GLRA2: variants seen among roughly 807,000 people sequenced by gnomAD.
The protein encoded by GLRA2 is glycine receptor subunit alpha-2.
Under a neutral mutation model 31.6 loss-of-function variants are expected in GLRA2, and 11 were observed. That is an observed-to-expected ratio of 0.35 (90% CI 0.22 to 0.58). GLRA2 has a LOEUF of 0.58. Among genes scored for constraint, GLRA2 ranks in the 20% least tolerant of loss-of-function variants. The pLI is 0.84. For synonymous variants in GLRA2, 132 were observed against 134.0 expected (o/e 0.99, Z 0.10); for missense variants, 212 against 351.8 (o/e 0.60, Z 3.18).
chrX:14,450,163 C>T, the GLRA2 span, among the ~76,000 whole-genome samples: 1 of 112,304 alleles, frequency 8.9e-6, no homozygotes, highest in Non-Finnish European at 1.9e-5. Flanking sequence ...CCTCAGGCTA[C>T]AGGTGCCATA....
chrX:14,648,367 T>C lies in GLRA2; in HGVS notation c.930+39162T>C, dbSNP rs1411112232. Among the ~76,000 whole-genome samples the C allele has an allele frequency of 2.7e-5, 3 of 111,802 alleles. No individual in the cohort carries two copies. In the East Asian group the frequency reaches 8.3e-4, roughly 31 times the overall value. ...GGAAGAATCACATGGGAAATGATATTTGAAATAAATCTTGAATAAACATAG... is the reference window on the plus strand; with the variant it reads ...GGAAGAATCACATGGGAAATGATATCTGAAATAAATCTTGAATAAACATAG... On this transcript the variant is annotated intron_variant, in intron 7 of 8. Transcript: ENST00000218075.
At chrX:14,454,164 C>CA in the GLRA2 span, among the ~76,000 whole-genome samples, 16 of 35,818 alleles carry the variant, frequency 4.5e-4, no homozygotes, top group African/African-American at 1.5e-3. Context: ...CTAAACACAC[C>CA]CACACACACC....
intron 7 of GLRA2, among the ~76,000 whole-genome samples, chrX:14,681,915 A>ATATATATATATATATG (rs1249803088): frequency 2.4e-5 from 2 of 81,725 alleles, no homozygotes; most frequent in African/African-American, 8.8e-5. Flanking sequence ...AAAAAAATAT[A>ATATATATATATATATG]TATATATATA....
intron 2 of GLRA2, among the ~76,000 whole-genome samples, chrX:14,563,628 A>G (rs1042560405): frequency 1.8e-5 from 2 of 111,969 alleles, no homozygotes; most frequent in African/African-American, 6.5e-5. Flanking sequence ...ATCCCTGAGG[A>G]AGTTCAGACA....
rs969306194 is a variant in GLRA2, at chrX:14,631,709, C to T, written c.930+22504C>T. On this transcript the variant is annotated intron_variant, in intron 7 of 8. Coordinates refer to ENST00000218075, the MANE Select transcript of GLRA2 (RefSeq NM_002063.4). Reference sequence around the variant, plus strand: ...TTCTCTAATTCTTTTGAAGATTCTTCCCCTAGCCTCAGTTACTCTTCTCAC... The same window carrying T: ...TTCTCTAATTCTTTTGAAGATTCTTTCCCTAGCCTCAGTTACTCTTCTCAC... Among the ~76,000 whole-genome samples the T allele has an allele frequency of 2.8e-5, 3 of 106,433 alleles. No individual in the cohort carries two copies. The Admixed American group carries it at 3.1e-4, about 11-fold the overall frequency. The allele number at this position is 106,433 out of a possible 115,157, so 92.4% of individuals were successfully genotyped here.
chrX:14,554,081 T>C (rs1232857070), intron 2 of GLRA2, among the ~76,000 whole-genome samples: 1 of 111,994 alleles, frequency 8.9e-6, no homozygotes, highest in Non-Finnish European at 1.9e-5. Context: ...CAAAGATGCA[T>C]AGTGTAGCAT....
At chrX:14,493,558 TAC>T in the GLRA2 span, among the ~76,000 whole-genome samples, 2 of 104,855 alleles carry the variant, frequency 1.9e-5, no homozygotes, top group Admixed American at 1.1e-4. Context: ...TATACATATA[TAC>T]ACATATATAC....
chrX:14,697,217 A>G (rs963870573), intron 8 of GLRA2, among the ~76,000 whole-genome samples: 1 of 112,369 alleles, frequency 8.9e-6, no homozygotes, highest in Non-Finnish European at 1.9e-5. Context: ...TAATGCAATC[A>G]TACAGCCCAG....
the GLRA2 span, among the ~76,000 whole-genome samples, chrX:14,470,657 A>T: frequency 8.9e-6 from 1 of 112,059 alleles, no homozygotes; most frequent in Non-Finnish European, 1.9e-5. Context: ...GCCTAGAAAC[A>T]TGAGGGATAC....
intron 2 of GLRA2, among the ~76,000 whole-genome samples, chrX:14,556,142 G>T (rs2089639611): frequency 8.9e-6 from 1 of 111,946 alleles, no homozygotes; most frequent in Admixed American, 9.4e-5. Flanking sequence ...ATGTGTATAT[G>T]TGTGTGTATC....
the GLRA2 span, among the ~76,000 whole-genome samples, chrX:14,472,818 C>G: frequency 9.0e-6 from 1 of 111,269 alleles, no homozygotes; most frequent in African/African-American, 3.3e-5. Context: ...ACGTTAGAAC[C>G]TTCAGACCAG....
chrX:14,579,691 A>G (rs1226359245), intron 3 of GLRA2, among the ~76,000 whole-genome samples: 1 of 111,442 alleles, frequency 9.0e-6, no homozygotes, highest in Non-Finnish European at 1.9e-5. Context: ...TAGCAGTGCA[A>G]TGGTAAAGCC....
the GLRA2 span, among the ~76,000 whole-genome samples, chrX:14,514,557 G>T: frequency 9.0e-6 from 1 of 111,298 alleles, no homozygotes; most frequent in African/African-American, 3.3e-5. Flanking sequence ...TGGACTCTGA[G>T]AACCTGTTTC....
intron 2 of GLRA2, among the ~76,000 whole-genome samples, chrX:14,560,476 A>G (rs752343646): frequency 3.8e-4 from 43 of 111,810 alleles, no homozygotes; most frequent in African/African-American, 1.2e-3. Context: ...TTATTTCCCA[A>G]TGTTTATTTT....
At chrX:14,559,419 C>CTTTTTTTTT (rs753470377) in intron 2 of GLRA2, among the ~76,000 whole-genome samples, 3 of 48,575 alleles carry the variant, frequency 6.2e-5, no homozygotes, top group African/African-American at 1.1e-4. Flanking sequence ...GGGGCCATTT[C>CTTTTTTTTT]TTTTTTTTTT....
chrX:14,550,920 C>A (rs184733741), intron 2 of GLRA2, among the ~76,000 whole-genome samples: 1 of 111,602 alleles, frequency 9.0e-6, no homozygotes, highest in African/African-American at 3.3e-5. Flanking sequence ...TGCACCCATG[C>A]GTATATTTCA....
chrX:14,524,094 G>T, the GLRA2 span, among the ~76,000 whole-genome samples: 1 of 111,669 alleles, frequency 9.0e-6, no homozygotes, highest in East Asian at 2.8e-4. Flanking sequence ...GCTCAATGCA[G>T]GATTACCATA....
intron 2 of GLRA2, among the ~76,000 whole-genome samples, chrX:14,562,305 A>T (rs753622043): frequency 1.8e-5 from 2 of 112,374 alleles, no homozygotes; most frequent in South Asian, 7.4e-4. Context: ...AAATGGTAGG[A>T]AAGTTTTGTG....
At position 14,730,630 on chromosome X, in the gene GLRA2, C is replaced by T. The variant is rs953386372; in HGVS notation, c.*145C>T. On this transcript the variant is annotated 3_prime_UTR_variant, in exon 9 of 9. Transcript: ENST00000218075. ...ATGGGGGTGGGTTTCCTGGCACCTA[C>T]ATGAAAAAAAAGACAAGTTATATGG... 15 of 438,723 alleles carry T rather than the reference C, an allele frequency of 3.4e-5. No homozygotes were observed. Among genetic ancestry groups the T allele is most frequent in the Non-Finnish European group, 5.1e-5 (13 of 255,961 alleles). 36.2% of individuals were successfully genotyped at this position (438,723 alleles called of 1,213,427 possible).
Sources: gnomAD v4.1 joint callset for allele counts (sites outside exome capture counted in the v4.1 genomes callset) on GRCh38, gnomAD v4.1.1 for gene constraint, MANE v1.5 for transcripts, NCBI Gene and HGNC (gene_info 2026-07-23, HGNC 2026-07-21) for gene names.